The following OVCH2 variants were observed in gnomAD, a reference collection of about 807,000 sequenced individuals.
OVCH2 encodes ovochymase-2.
OVCH2 carries 88 observed loss-of-function variants against 73.7 expected under a neutral mutation model. That is an observed-to-expected ratio of 1.19 (90% CI 1.01 to 1.43). OVCH2 has a LOEUF of 1.43. OVCH2 is among the 40% of genes most tolerant of loss of function. The pLI, the probability that OVCH2 is intolerant of heterozygous loss-of-function variation, is 0.00. For synonymous variants in OVCH2, 265 were observed against 234.5 expected, an observed-to-expected ratio of 1.13 and a Z score of -1.19; for missense variants, 706 against 674.5, an observed-to-expected ratio of 1.05 and a Z score of -0.52.
intron 12 of OVCH2, among the ~76,000 whole-genome samples, chr11:7,694,584 G>T (rs1856285574): frequency 6.7e-6 from 1 of 150,234 alleles, no homozygotes; most frequent in Non-Finnish European, 1.5e-5. Context: ...TTCTGGAATG[G>T]ACTAAAAGTC....
intron 12 of OVCH2, 137 bp from the exon 13 acceptor site, chr11:7,692,132 G>T: frequency 1.6e-6 from 1 of 636,980 alleles, no homozygotes; most frequent in Non-Finnish European, 2.8e-6. Context: ...GTATTCAGGA[G>T]TGGGTCAGAT....
the OVCH2 span, among the ~76,000 whole-genome samples, chr11:7,681,629 G>A: frequency 6.6e-6 from 1 of 152,128 alleles, no homozygotes; most frequent in South Asian, 2.1e-4. Flanking sequence ...TACAGCAGTT[G>A]CTTCAACTCT....
chr11:7,691,020 A>C (rs1856209482), intron 14 of OVCH2, among the ~76,000 whole-genome samples: 1 of 152,224 alleles, frequency 6.6e-6, no homozygotes, highest in African/African-American at 2.4e-5. Flanking sequence ...CTTTAAACAG[A>C]AACACACATA....
In OVCH2 at chr11:7,703,723, T is replaced by A. The variant is rs770108711; in HGVS notation, c.265A>T (p.Thr89Ser). The change falls in exon 3 of 16, where the codon ACG becomes TCG. Residue 89 changes from threonine to serine, a missense_variant. Coordinates refer to ENST00000533663, the MANE Select transcript of OVCH2 (RefSeq NM_198185.7). ...GSIVSPQWVI[T>S]AAHCIANRNI... ...CTGTTTGCAATGCAGTGAGCCGCCGTGATCACCCACTGTGGTGAGACGATG... is the reference window on the plus strand; with the variant it reads ...CTGTTTGCAATGCAGTGAGCCGCCGAGATCACCCACTGTGGTGAGACGATG... 1 of 1,610,054 alleles carries A rather than the reference T, an allele frequency of 6.2e-7. No homozygotes were observed. The highest frequency in any genetic ancestry group is 2.2e-5 in the East Asian group (1 of 44,806).
chr11:7,698,364 C>A (rs1856374374), intron 8 of OVCH2, among the ~76,000 whole-genome samples: 1 of 152,192 alleles, frequency 6.6e-6, no homozygotes, highest in South Asian at 2.1e-4. Context: ...AAAAGGCTCG[C>A]CCAAAGTCAC....
Position 7,700,476 on chromosome 11 carries a change from C to A in OVCH2, c.721G>T (p.Gly241Ter). The A allele has an allele frequency of 6.2e-7, 1 of 1,602,412 alleles. No homozygotes were observed. The highest frequency in any genetic ancestry group is 2.3e-5 in the East Asian group (1 of 44,344). The change falls in exon 7 of 16, where the codon GGA becomes TGA. Residue 241 changes from glycine to a stop codon, truncating the protein, a stop_gained. Transcript: ENST00000533663. LOFTEE classifies it high-confidence loss of function. ...TTATTCCGGCACATGAGTGAACCTCCTGAATCTCCCTGCAGAGGGAAAAAG... is the reference window on the plus strand; with the variant it reads ...TTATTCCGGCACATGAGTGAACCTCATGAATCTCCCTGCAGAGGGAAAAAG... ...GGRDACQGDSGGSLMCRNKKG... is the reference protein window; with the variant it reads ...GGRDACQGDS
intron 3 of OVCH2, among the ~76,000 whole-genome samples, chr11:7,703,366 A>G (rs995828749): frequency 6.6e-6 from 1 of 152,192 alleles, no homozygotes; most frequent in African/African-American, 2.4e-5. Flanking sequence ...AATGAACTAG[A>G]TATTTTTTCA....
chr11:7,690,076 C>G, intron 14 of OVCH2, 63 bp from the exon 15 acceptor site: 1 of 1,181,378 alleles, frequency 8.5e-7, no homozygotes, highest in Non-Finnish European at 1.2e-6. Context: ...GGAGATTTAT[C>G]AGAAAATGAT....
At chr11:7,679,174 T>C in the OVCH2 span, among the ~76,000 whole-genome samples, 2 of 152,174 alleles carry the variant, frequency 1.3e-5, no homozygotes, top group Admixed American at 1.3e-4. Flanking sequence ...AAAGGGACTT[T>C]GTAGCTGTGC....
the OVCH2 span, among the ~76,000 whole-genome samples, chr11:7,681,987 C>A: frequency 6.6e-6 from 1 of 151,958 alleles, no homozygotes; most frequent in Non-Finnish European, 1.5e-5. Context: ...AAAACAGGAG[C>A]TTTTCAGAGA....
chr11:7,688,592 C>G (rs145263677), downstream of OVCH2, among the ~76,000 whole-genome samples: 142 of 152,214 alleles, frequency 9.3e-4, no homozygotes, highest in African/African-American at 3.2e-3. Flanking sequence ...ATTCCCGACT[C>G]TCTCTATTAT....
chr11:7,691,501 T>C, intron 13 of OVCH2, 101 bp from the exon 14 acceptor site: 1 of 1,392,606 alleles, frequency 7.2e-7, no homozygotes, highest in Non-Finnish European at 9.6e-7. Flanking sequence ...AGGTAATTGT[T>C]GAGAAATACG....
rs1431566371 is a variant in OVCH2 at position 7,706,377 on chromosome 11, G to A, written c.18C>T (p.Asn6=). MLISR[N]KLILLLGIVF... is the part of the protein sequence containing the mutation. ...CTATTCCTAGTAGTAAAATCAGCTT[G>A]TTCCTGCTTATAAGCATTTTGAGAC... The change falls in exon 1 of 16, where the codon AAC becomes AAT. Residue 6 remains asparagine, a synonymous_variant. Transcript: ENST00000533663. The A allele has an allele frequency of 1.9e-6, 3 of 1,578,512 alleles. No homozygotes were observed. The highest frequency in any genetic ancestry group is 2.6e-6 in the Non-Finnish European group (3 of 1,160,008).
chr11:7,700,457 C>T lies in OVCH2; in HGVS notation c.740G>A (p.Arg247Gln), dbSNP rs544648142. The stretch of plus-strand genomic sequence containing the variant: ...CAGAGTCCAGGCCCCTTTCTTATTC[C>T]GGCACATGAGTGAACCTCCTGAATC... Reference protein sequence around the residue: ...QGDSGGSLMCRNKKGAWTLAG... With the variant: ...QGDSGGSLMCQNKKGAWTLAG... The change falls in exon 7 of 16, where the codon CGG (arginine) becomes CAG (glutamine). Residue 247 changes from arginine (R) to glutamine (Q), a missense_variant. Coordinates refer to ENST00000533663, the MANE Select transcript of OVCH2 (RefSeq NM_198185.7). 7.4e-5 allele frequency: 119 copies of T among 1,608,962 alleles called. No homozygotes were observed. Among genetic ancestry groups the T allele is most frequent in the Middle Eastern group, 1.6e-4 (1 of 6,070 alleles).
intron 8 of OVCH2, 80 bp from the exon 9 acceptor site, chr11:7,696,879 C>T: frequency 7.9e-7 from 1 of 1,265,152 alleles, no homozygotes; most frequent in Non-Finnish European, 1.1e-6. Context: ...GCTGCAAACA[C>T]CATAGCCTCC....
At chr11:7,692,120 G>A (rs1856234691) in intron 12 of OVCH2, 125 bp from the exon 13 acceptor site, 4 of 676,978 alleles carry the variant, frequency 5.9e-6, no homozygotes, top group Non-Finnish European at 1.0e-5. Context: ...AAAGTTAATG[G>A]GGTATTCAGG....
downstream of OVCH2, among the ~76,000 whole-genome samples, chr11:7,685,865 C>T (rs116008071): frequency 0.013 from 1,939 of 152,162 alleles, 59 homozygotes; most frequent in African/African-American, 0.044. Flanking sequence ...AACTGTTTTT[C>T]AGATTATACT....
intron 12 of OVCH2, 83 bp downstream of exon 12, chr11:7,694,975 G>C (rs1201612782): frequency 6.9e-7 from 1 of 1,455,268 alleles, no homozygotes. Flanking sequence ...GAATAAATCA[G>C]ATAAAACCTC....
chr11:7,688,052 G>A (rs1202332698), downstream of OVCH2, among the ~76,000 whole-genome samples: 1 of 152,050 alleles, frequency 6.6e-6, no homozygotes. Context: ...GAATTTGGTG[G>A]GAGCGCAAAC....
Sources: allele counts gnomAD v4.1 joint callset (sites outside exome capture counted in the v4.1 genomes callset), GRCh38; gene constraint gnomAD v4.1.1; transcripts MANE v1.5; gene names NCBI Gene and HGNC (gene_info 2026-07-23, HGNC 2026-07-21).